Variants in EPB41L5 observed in about 807,000 individuals in gnomAD.
EPB41L5 encodes erythrocyte membrane protein band 4.1 like 5.
Under a neutral mutation model 106.6 loss-of-function variants are expected in EPB41L5, and 55 were observed. The observed-to-expected ratio is 0.52, with a 90% confidence interval of 0.42 to 0.65. The LOEUF is 0.65. Ranked by LOEUF, EPB41L5 falls within the 30% of genes least tolerant of loss-of-function variation. EPB41L5 has a pLI of 0.00. For synonymous variants in EPB41L5, 297 were observed against 306.7 expected, an observed-to-expected ratio of 0.97 and a Z score of 0.33; for missense variants, 871 against 882.1, an observed-to-expected ratio of 0.99 and a Z score of 0.16.
At chr2:120,085,942 C>G (rs554249761) in intron 10 of EPB41L5, among the ~76,000 whole-genome samples, 1 of 152,316 alleles carries the variant, frequency 6.6e-6, no homozygotes, top group African/African-American at 2.4e-5. Flanking sequence ...GACCAGGTGG[C>G]TCACTCCTGT....
At chr2:120,048,937 C>A (rs1391259227) in intron 3 of EPB41L5, among the ~76,000 whole-genome samples, 1 of 152,172 alleles carries the variant, frequency 6.6e-6, no homozygotes, top group Non-Finnish European at 1.5e-5. Flanking sequence ...AGTATTCATT[C>A]AGGAGCAGGT....
At chr2:120,137,128 G>T (rs1416914179) in intron 18 of EPB41L5, among the ~76,000 whole-genome samples, 1 of 152,030 alleles carries the variant, frequency 6.6e-6, no homozygotes, top group Non-Finnish European at 1.5e-5. Context: ...TGACCAGTGG[G>T]TCAATGAAGA....
chr2:120,112,647 A>G (rs1684774077), intron 16 of EPB41L5, among the ~76,000 whole-genome samples: 1 of 152,232 alleles, frequency 6.6e-6, no homozygotes, highest in Non-Finnish European at 1.5e-5. Flanking sequence ...CCAGGGACCT[A>G]TAGGAAAAGA....
chr2:120,129,494 G>C (rs1200268947), intron 17 of EPB41L5, among the ~76,000 whole-genome samples: 1 of 152,076 alleles, frequency 6.6e-6, no homozygotes, highest in East Asian at 1.9e-4. Context: ...AATAAAAACA[G>C]TCTCCTTTAT....
chr2:120,104,151 A>T, intron 16 of EPB41L5: 1 of 1,536,008 alleles, frequency 6.5e-7, no homozygotes, highest in Non-Finnish European at 8.7e-7. Flanking sequence ...TAGAAACTAC[A>T]CTGACTTTGT....
intron 3 of EPB41L5, among the ~76,000 whole-genome samples, chr2:120,062,059 C>G (rs887903282): frequency 6.6e-6 from 1 of 152,026 alleles, no homozygotes; most frequent in Non-Finnish European, 1.5e-5. Flanking sequence ...AAGAAGATGA[C>G]AAGGATGCCT....
chr2:120,112,459 G>T (rs189129179), intron 16 of EPB41L5, among the ~76,000 whole-genome samples: 1 of 152,248 alleles, frequency 6.6e-6, no homozygotes, highest in African/African-American at 2.4e-5. Context: ...ACTGTTCTTG[G>T]CTTCAAGAAA....
rs1309607501 is a variant in EPB41L5 at position 120,177,764 on chromosome 2, C to T, written c.*2857C>T. On this transcript the variant is annotated 3_prime_UTR_variant, in exon 25 of 25. Transcript: ENST00000263713. Reference sequence around the variant, plus strand: ...AACTTTTAAAAATATTTCTTATAGTCTCCTAACATTTGTCTCTAGCCTTTG... The same window carrying T: ...AACTTTTAAAAATATTTCTTATAGTTTCCTAACATTTGTCTCTAGCCTTTG... 2 of 152,192 alleles carry T rather than the reference C, an allele frequency of 1.3e-5. No individual in the cohort carries two copies. Among genetic ancestry groups the T allele is most frequent in the Non-Finnish European group, 2.9e-5 (2 of 68,036 alleles). The allele number at this position is 152,192 out of a possible 1,614,324, so 9.4% of individuals were successfully genotyped here. A position where few individuals can be genotyped will look rare whatever the true frequency, so the allele number is the denominator to read the frequency against.
chr2:120,154,566 C>T (rs1686823082), intron 20 of EPB41L5, among the ~76,000 whole-genome samples: 1 of 152,130 alleles, frequency 6.6e-6, no homozygotes, highest in African/African-American at 2.4e-5. Flanking sequence ...AGCTTCAATA[C>T]TCTGCAAAAC....
At chr2:120,038,383 TG>T (rs1244456773) in intron 2 of EPB41L5, among the ~76,000 whole-genome samples, 1 of 152,194 alleles carries the variant, frequency 6.6e-6, no homozygotes, top group Non-Finnish European at 1.5e-5. Flanking sequence ...TAACAAATGT[TG>T]GCAAGGATGT....
chr2:120,039,740 G>A (rs1451169764), intron 2 of EPB41L5, among the ~76,000 whole-genome samples: 1 of 151,312 alleles, frequency 6.6e-6, no homozygotes, highest in Non-Finnish European at 1.5e-5. Flanking sequence ...CAGGAGAATT[G>A]CTTGAACCCA....
At chr2:120,015,878 A>T (rs1265408061) in intron 1 of EPB41L5, among the ~76,000 whole-genome samples, 1 of 148,384 alleles carries the variant, frequency 6.7e-6, no homozygotes, top group African/African-American at 2.5e-5. Context: ...GGCCGCAGTG[A>T]GCCCTGGGTG....
At chr2:120,033,762 C>T (rs1416332892) in intron 2 of EPB41L5, among the ~76,000 whole-genome samples, 3 of 148,280 alleles carry the variant, frequency 2.0e-5, no homozygotes, top group Non-Finnish European at 4.5e-5. Context: ...TTTTTAATGG[C>T]GAAAACCGCA....
intron 18 of EPB41L5, among the ~76,000 whole-genome samples, 174 bp from the exon 19 acceptor site, chr2:120,142,829 G>A (rs11123544): frequency 0.57 from 86,992 of 151,862 alleles, 26,882 homozygotes; most frequent in Middle Eastern, 0.68. Flanking sequence ...TTTAAATCCA[G>A]AGCTCTTCAC....
At position 120,018,775 on chromosome 2, in the gene EPB41L5, A is replaced by G. The variant is rs184866050; in HGVS notation, c.-8-302A>G. ...GATCCTTCTGCCTCACAGCCCCTCA[A>G]GTAGCTGGGACCACAGGCATGCACC... is the stretch of plus-strand genomic sequence containing the variant. On this transcript the variant is annotated intron_variant, in intron 1 of 24. Coordinates refer to ENST00000263713, the MANE Select transcript of EPB41L5 (RefSeq NM_020909.4). Among the ~76,000 whole-genome samples, 206 of 152,050 alleles carry G rather than the reference A, an allele frequency of 1.4e-3. 1 individual carries two copies. Among genetic ancestry groups the G allele is most frequent in the African/African-American group, 4.6e-3 (192 of 41,472 alleles).
At chr2:120,117,412 T>C (rs1405168211) in intron 16 of EPB41L5, among the ~76,000 whole-genome samples, 1 of 152,208 alleles carries the variant, frequency 6.6e-6, no homozygotes, top group Non-Finnish European at 1.5e-5. Context: ...TTTACTTGGA[T>C]TAGTACCCTT....
intron 17 of EPB41L5, among the ~76,000 whole-genome samples, chr2:120,129,657 G>A (rs1685610878): frequency 1.3e-5 from 2 of 151,830 alleles, no homozygotes; most frequent in Admixed American, 6.6e-5. Flanking sequence ...GGATTTACAT[G>A]GTAAAATGAA....
At chr2:120,140,527 C>G (rs1421096772) in intron 18 of EPB41L5, among the ~76,000 whole-genome samples, 3 of 151,968 alleles carry the variant, frequency 2.0e-5, no homozygotes, top group Non-Finnish European at 4.4e-5. Context: ...TGCCTTAACT[C>G]TAGTCAACTT....
intron 20 of EPB41L5, among the ~76,000 whole-genome samples, chr2:120,150,006 C>T (rs570050335): frequency 6.6e-6 from 1 of 151,844 alleles, no homozygotes; most frequent in Admixed American, 6.6e-5. Context: ...GATCCTCCCA[C>T]CTGAGCTTCC....
Sources: allele counts gnomAD v4.1 joint callset (sites outside exome capture counted in the v4.1 genomes callset), GRCh38; gene constraint gnomAD v4.1.1; transcripts MANE v1.5; gene names NCBI Gene and HGNC (gene_info 2026-07-23, HGNC 2026-07-21).